FOXN3: variants seen among roughly 807,000 people sequenced by gnomAD.
FOXN3 encodes the protein forkhead box protein N3.
FOXN3 carries 7 observed loss-of-function variants against 38.4 expected under a neutral mutation model. The observed-to-expected ratio is 0.18, with a 90% CI of 0.10 to 0.34. The LOEUF is 0.34. FOXN3 is among the 10% of genes least tolerant of loss of function. FOXN3 has a pLI of 1.00. For synonymous variants in FOXN3, 230 were observed against 242.2 expected (o/e 0.95, Z 0.47); for missense variants, 456 against 613.4 (o/e 0.74, Z 2.71).
At position 89,526,459 on chromosome 14, in the gene FOXN3, A is replaced by G. The variant is rs10151681; in HGVS notation, c.-15+92569T>C. Among the ~76,000 whole-genome samples the G allele has an allele frequency of 3.7e-3, 565 of 152,308 alleles. 6 individuals carry two copies. Among genetic ancestry groups the G allele is most frequent in the African/African-American group, 0.013 (545 of 41,584 alleles). On this transcript the variant is annotated intron_variant, in intron 1 of 6. Transcript: ENST00000345097. Reference sequence around the variant, plus strand: ...ATACAAAAAGCAGCTGTATTTCTATATCTTGGCAAACAACAATCAGAAACA... The same window carrying G: ...ATACAAAAAGCAGCTGTATTTCTATGTCTTGGCAAACAACAATCAGAAACA...
chr14:89,232,905 TGA>T (rs1884861246), intron 4 of FOXN3, among the ~76,000 whole-genome samples: 1 of 152,178 alleles, frequency 6.6e-6, no homozygotes, highest in Non-Finnish European at 1.5e-5. Context: ...GCATTTGCAC[TGA>T]GAGATACTTG....
intron 2 of FOXN3, among the ~76,000 whole-genome samples, chr14:89,367,785 C>A (rs549675552): frequency 4.6e-5 from 7 of 152,328 alleles, no homozygotes; most frequent in Admixed American, 3.9e-4. Context: ...CCTGAGCTAT[C>A]TGTCCCAGTG....
At chr14:89,376,399 C>T (rs1566971832) in intron 2 of FOXN3, among the ~76,000 whole-genome samples, 4 of 152,132 alleles carry the variant, frequency 2.6e-5, no homozygotes, top group Admixed American at 6.5e-5. Context: ...CCATTAGAGG[C>T]GATTATTACA....
At chr14:89,395,569 C>G (rs780518876) in intron 2 of FOXN3, among the ~76,000 whole-genome samples, 2 of 152,124 alleles carry the variant, frequency 1.3e-5, no homozygotes, top group Non-Finnish European at 2.9e-5. Flanking sequence ...ATGTGTCTGT[C>G]TCTCCCACTA....
At chr14:89,543,652 T>C (rs1017109708) in intron 1 of FOXN3, among the ~76,000 whole-genome samples, 2 of 152,224 alleles carry the variant, frequency 1.3e-5, no homozygotes, top group Admixed American at 1.3e-4. Context: ...CAGCCCGGAC[T>C]ACACAAAGTA....
At chr14:89,378,929 T>TC in intron 2 of FOXN3, among the ~76,000 whole-genome samples, 1 of 152,188 alleles carries the variant, frequency 6.6e-6, no homozygotes, top group Non-Finnish European at 1.5e-5. Context: ...CTGGTCTCAA[T>TC]CCCTGGACCT....
At chr14:89,312,639 C>T (rs912932295) in intron 3 of FOXN3, among the ~76,000 whole-genome samples, 4 of 152,132 alleles carry the variant, frequency 2.6e-5, no homozygotes, top group Admixed American at 1.3e-4. Flanking sequence ...TAAAAGGACT[C>T]GGGCTTTAAT....
chr14:89,464,119 G>A (rs533956656), intron 1 of FOXN3, among the ~76,000 whole-genome samples: 1 of 152,260 alleles, frequency 6.6e-6, no homozygotes, highest in African/African-American at 2.4e-5. Flanking sequence ...TCCCTGCCAA[G>A]GTAGTGCAGA....
chr14:89,605,313 G>T (rs1896248567), intron 1 of FOXN3, among the ~76,000 whole-genome samples: 1 of 152,106 alleles, frequency 6.6e-6, no homozygotes, highest in African/African-American at 2.4e-5. Context: ...TTTAGGCTTT[G>T]ATAAGTATGC....
chr14:89,363,066 G>A (rs1364727660), intron 2 of FOXN3, among the ~76,000 whole-genome samples: 4 of 152,130 alleles, frequency 2.6e-5, no homozygotes, highest in African/African-American at 9.7e-5. Flanking sequence ...CTGGCCAATG[G>A]GCTGCCAGAC....
At chr14:89,336,137 TACACACACAC>T (rs34950734) in intron 3 of FOXN3, among the ~76,000 whole-genome samples, 13 of 140,018 alleles carry the variant, frequency 9.3e-5, no homozygotes, top group African/African-American at 2.4e-4. Context: ...AAGTGATCCT[TACACACACAC>T]ACACACACAC....
chr14:89,463,753 C>G (rs987436258), intron 1 of FOXN3, among the ~76,000 whole-genome samples: 1 of 151,034 alleles, frequency 6.6e-6, no homozygotes, highest in Non-Finnish European at 1.5e-5. Context: ...ACTGGGGAAT[C>G]AGAGATATGC....
intron 1 of FOXN3, among the ~76,000 whole-genome samples, chr14:89,487,658 G>A (rs1355044898): frequency 6.6e-6 from 1 of 152,196 alleles, no homozygotes; most frequent in African/African-American, 2.4e-5. Flanking sequence ...CATAGAGTTA[G>A]GGATCGCATC....
At chr14:89,452,676 A>G (rs561901117) in intron 1 of FOXN3, among the ~76,000 whole-genome samples, 19 of 152,320 alleles carry the variant, frequency 1.2e-4, no homozygotes, top group African/African-American at 4.1e-4. Context: ...CAGCCCTGAG[A>G]AAACTGATGC....
intron 1 of FOXN3, among the ~76,000 whole-genome samples, chr14:89,591,466 C>T (rs548896531): frequency 1.2e-4 from 18 of 152,312 alleles, no homozygotes; most frequent in Admixed American, 1.0e-3. Context: ...CTGGCTCAAA[C>T]ATCCGACCAC....
intron 4 of FOXN3, among the ~76,000 whole-genome samples, chr14:89,224,401 T>C (rs1272238138): frequency 6.6e-6 from 1 of 152,212 alleles, no homozygotes; most frequent in Admixed American, 6.5e-5. Context: ...GTCAAAAGCC[T>C]AAGGAGAGGT....
chr14:89,421,048 A>C (rs984436322), upstream of FOXN3, among the ~76,000 whole-genome samples: 46 of 151,348 alleles, frequency 3.0e-4, no homozygotes, highest in Admixed American at 2.6e-3. Flanking sequence ...AAAATTGGGG[A>C]AAAAAGGCTA....
intron 4 of FOXN3, among the ~76,000 whole-genome samples, chr14:89,247,906 T>A (rs976148842): frequency 1.3e-5 from 2 of 152,238 alleles, no homozygotes; most frequent in African/African-American, 4.8e-5. Flanking sequence ...TCCTCAAACA[T>A]TGCTGTTCTT....
At chr14:89,281,096 A>G in intron 3 of FOXN3, 82 bp from the exon 4 acceptor site, 2 of 1,245,938 alleles carry the variant, frequency 1.6e-6, no homozygotes, top group Non-Finnish European at 2.3e-6. Flanking sequence ...TTCCCTCAAA[A>G]CATTTCCCCA....
Sources: gnomAD v4.1 joint callset for allele counts (sites outside exome capture counted in the v4.1 genomes callset) on GRCh38, gnomAD v4.1.1 for gene constraint, MANE v1.5 for transcripts, NCBI Gene and HGNC (gene_info 2026-07-23, HGNC 2026-07-21) for gene names.